Variants in PITPNM2 observed in about 807,000 individuals in gnomAD.
PITPNM2 encodes phosphatidylinositol transfer protein membrane associated 2.
A neutral mutation model predicts 132.2 loss-of-function variants in PITPNM2; 35 were observed. The ratio of observed to expected loss-of-function variants is 0.26; its 90% CI spans 0.20 to 0.35. The LOEUF (loss-of-function observed/expected upper bound fraction) is 0.35. Ranked by LOEUF, PITPNM2 falls within the 10% of genes least tolerant of loss-of-function variation. The pLI is 1.00. For missense variants in PITPNM2, 1,332 were observed against 1,912.0 expected, an observed-to-expected ratio of 0.70 and a Z score of 5.66; for synonymous variants, 738 against 799.2, an observed-to-expected ratio of 0.92 and a Z score of 1.29.
At position 122,987,533 on chromosome 12, in the gene PITPNM2, A is replaced by G; in HGVS notation, c.3241T>C (p.Tyr1081His). The stretch of plus-strand genomic sequence containing the variant: ...TACCTGACCACCATCTTGATAGGGT[A>G]GACACCCACGCCCAGGCGGTGCGAC... ...PESHRLGVGV[Y>H]PIKMVVRGDH... The change falls in exon 22 of 26, where the codon TAC becomes CAC. Residue 1081 changes from tyrosine to histidine, a missense_variant. Tyr to His is a moderately conservative substitution (Grantham distance 83, BLOSUM62 2). Around this residue, in one of 6 missense-constraint regions of PITPNM2, gnomAD observed 251 missense variants for 472.0 expected, o/e 0.53. Transcript: ENST00000320201. 6.2e-7 allele frequency: 1 copy of G among 1,613,680 alleles called. No homozygotes were observed. The highest frequency in any genetic ancestry group is 8.5e-7 in the Non-Finnish European group (1 of 1,179,808).
At chr12:123,090,991 G>A (rs550020829) in intron 2 of PITPNM2, 14 of 152,422 alleles carry the variant, frequency 9.2e-5, no homozygotes, top group African/African-American at 3.4e-4. Flanking sequence ...CGAATTGGTG[G>A]TGAGCCATGT....
intron 2 of PITPNM2, chr12:123,081,520 C>T (rs1327955681): frequency 6.6e-6 from 1 of 152,284 alleles, no homozygotes; most frequent in Non-Finnish European, 1.5e-5. Context: ...GGGAGTTTCA[C>T]ATAGCCACGA....
chr12:123,070,358 T>G (rs539618442), intron 2 of PITPNM2, among the ~76,000 whole-genome samples: 161 of 152,266 alleles, frequency 1.1e-3, no homozygotes, highest in African/African-American at 3.6e-3. Context: ...GTGAAGGGGT[T>G]TGAGCTGGAC....
At chr12:123,112,578 A>G (rs906697087) in intron 1 of PITPNM2, among the ~76,000 whole-genome samples, 32 of 145,586 alleles carry the variant, frequency 2.2e-4, no homozygotes, top group Middle Eastern at 7.2e-3. Flanking sequence ...TTGCTCTGTC[A>G]CCCAGGCTGG....
chr12:123,128,542 A>G (rs2043196830), intron 1 of PITPNM2, among the ~76,000 whole-genome samples: 1 of 151,538 alleles, frequency 6.6e-6, no homozygotes, highest in Non-Finnish European at 1.5e-5. Flanking sequence ...TCACAAGGTC[A>G]GAAGATCGAG....
rs530544349 is a variant in PITPNM2 at position 123,064,120 on chromosome 12, T to C, written c.-95-29435A>G. On this transcript the variant is annotated intron_variant, in intron 2 of 25. Coordinates refer to ENST00000320201, the MANE Select transcript of PITPNM2 (RefSeq NM_020845.3). This position sits in a 1 kb window ranked among gnomAD's most constrained non-coding sequence, Gnocchi z 4.0. ...GACTAGGGGAAACAAATCATTGATA[T>C]CATTTTGTCACTATGCATTATTGCC... 6.6e-6 allele frequency among the ~76,000 whole-genome samples: 1 copy of C among 152,340 alleles called. No individual in the cohort carries two copies. Among genetic ancestry groups the C allele is most frequent in the African/African-American group, 2.4e-5 (1 of 41,564 alleles).
chr12:123,142,378 G>A (rs1399576998), intron 1 of PITPNM2, among the ~76,000 whole-genome samples: 2 of 152,222 alleles, frequency 1.3e-5, no homozygotes, highest in African/African-American at 2.4e-5. Flanking sequence ...TTGCTTCAGC[G>A]TATTGGAAAA....
intron 3 of PITPNM2, among the ~76,000 whole-genome samples, chr12:123,025,044 C>T (rs1400320543): frequency 6.6e-6 from 1 of 152,240 alleles, no homozygotes; most frequent in Admixed American, 6.5e-5. Context: ...CTCTAAGCAT[C>T]TCTCTGCCAT....
chr12:123,086,939 C>T (rs1043399551), intron 2 of PITPNM2, among the ~76,000 whole-genome samples: 2 of 152,220 alleles, frequency 1.3e-5, no homozygotes, highest in Admixed American at 1.3e-4. Flanking sequence ...TCTTCTCAGG[C>T]CCAAGACCTT....
chr12:123,021,778 A>C, intron 3 of PITPNM2: 1 of 875,470 alleles, frequency 1.1e-6, no homozygotes. Context: ...TCTGGGTACA[A>C]ACCCTCCTCT....
Position 122,988,841 on chromosome 12 carries a change from G to T in PITPNM2, c.2763C>A (p.Ile921=). 2 of 1,576,936 alleles carry T rather than the reference G, an allele frequency of 1.3e-6. No individual in the cohort carries two copies. The highest frequency in any genetic ancestry group is 4.6e-5 in the East Asian group (2 of 43,158). Residue 921 remains isoleucine, a synonymous_variant, in exon 19 of 26, where the codon ATC becomes ATA. Coordinates refer to ENST00000320201, the MANE Select transcript of PITPNM2 (RefSeq NM_020845.3). ...VAAKWWGQKR[I]DYALYCPDAL... ...CGTCAGGGCAGTACAGGGCGTAGTC[G>T]ATCCGCTTCTGGCCCCACCACTTTG...
At chr12:122,989,263 G>A (rs1013690499) in intron 18 of PITPNM2, among the ~76,000 whole-genome samples, 2 of 152,174 alleles carry the variant, frequency 1.3e-5, no homozygotes, top group Non-Finnish European at 2.9e-5. Flanking sequence ...TGGGAAAGGC[G>A]GCACAGAGAT....
chr12:123,059,733 G>T (rs1289386982), intron 2 of PITPNM2, among the ~76,000 whole-genome samples: 1 of 152,218 alleles, frequency 6.6e-6, no homozygotes, highest in Non-Finnish European at 1.5e-5. Context: ...GTGTATGCCT[G>T]ATTCTGTGGC....
At chr12:123,012,495 C>G (rs2039251895) in intron 5 of PITPNM2, 118 bp downstream of exon 5, 2 of 1,362,502 alleles carry the variant, frequency 1.5e-6, no homozygotes, top group Non-Finnish European at 2.0e-6. Context: ...GACCTGCCTG[C>G]CCAGGACAGG....
chr12:123,126,441 G>A (rs908088981), intron 1 of PITPNM2, among the ~76,000 whole-genome samples: 1 of 152,174 alleles, frequency 6.6e-6, no homozygotes, highest in African/African-American at 2.4e-5. Context: ...CAAGCTTCAG[G>A]CGAAAAGCTG....
At chr12:122,991,104 G>A (rs1298261105) in intron 16 of PITPNM2, among the ~76,000 whole-genome samples, 4 of 152,334 alleles carry the variant, frequency 2.6e-5, no homozygotes, top group Non-Finnish European at 4.4e-5. Flanking sequence ...TTTGCAGGGC[G>A]CTGACAACAG....
intron 2 of PITPNM2, among the ~76,000 whole-genome samples, chr12:123,103,771 G>A (rs1593017290): frequency 6.6e-6 from 1 of 152,302 alleles, no homozygotes; most frequent in South Asian, 2.1e-4. Flanking sequence ...TTTCCAGTGG[G>A]TTAGGTGTAA....
In PITPNM2 at chr12:123,000,088, G is replaced by A. The variant is rs2038592416; in HGVS notation, c.1224+690C>T. Among the ~76,000 whole-genome samples, 1 of 151,510 alleles carries A rather than the reference G, an allele frequency of 6.6e-6. No individual in the cohort carries two copies. The highest frequency in any genetic ancestry group is 6.6e-5 in the Admixed American group (1 of 15,250). On this transcript the variant is annotated intron_variant, in intron 10 of 25. Coordinates refer to ENST00000320201, the MANE Select transcript of PITPNM2 (RefSeq NM_020845.3). The surrounding 1 kb of genome is among the most constrained non-coding windows in gnomAD (Gnocchi z 5.4). ...TGTGTGGATGTCCCTCCTCCTCCCC[G>A]CCTAGATTCCCCGGGGGCCCGAGTT...
intron 2 of PITPNM2, among the ~76,000 whole-genome samples, chr12:123,084,935 C>T (rs79050529): frequency 1.3e-5 from 2 of 152,040 alleles, no homozygotes; most frequent in African/African-American, 4.8e-5. Flanking sequence ...TCCCACACAC[C>T]CCCCTCCCCC....
Sources: gnomAD v4.1 joint callset for allele counts (sites outside exome capture counted in the v4.1 genomes callset) on GRCh38, gnomAD v4.1.1 for gene constraint, gnomAD v4.1.1 regional missense constraint, Gnocchi (gnomAD v3.1) non-coding constraint, MANE v1.5 for transcripts, NCBI Gene and HGNC (gene_info 2026-07-23, HGNC 2026-07-21) for gene names.